The following CDK14 variants were observed in gnomAD, a reference collection of about 807,000 sequenced individuals.
CDK14 encodes the protein cyclin-dependent kinase 14.
In CDK14, 34 loss-of-function variants were observed where a neutral mutation model predicts 60.7. The ratio of observed to expected loss-of-function variants is 0.56; its 90% CI spans 0.43 to 0.75. The LOEUF (loss-of-function observed/expected upper bound fraction) is 0.75, where lower values mean the gene tolerates loss of function less well. Among genes scored for constraint, CDK14 ranks in the 30% least tolerant of loss-of-function variants. The probability of loss-of-function intolerance (pLI) is 0.00; values close to 1 mark genes in which losing one functional copy is unlikely to be tolerated. For missense variants in CDK14, 482 were observed against 564.1 expected, an observed-to-expected ratio of 0.85 and a Z score of 1.47; for synonymous variants, 197 against 203.7, an observed-to-expected ratio of 0.97 and a Z score of 0.28.
chr7:91,004,290 G>T (rs373183823), intron 10 of CDK14, among the ~76,000 whole-genome samples: 4 of 152,190 alleles, frequency 2.6e-5, no homozygotes, highest in African/African-American at 7.2e-5. Flanking sequence ...AGAAAGAAGA[G>T]ATGTCACTTT....
chr7:91,006,729 A>G (rs1047714777), intron 10 of CDK14, among the ~76,000 whole-genome samples: 6 of 152,244 alleles, frequency 3.9e-5, no homozygotes, highest in Non-Finnish European at 5.9e-5. Flanking sequence ...TGCCCATGCA[A>G]TCATTCACAT....
chr7:91,077,898 T>C (rs1336966769), intron 11 of CDK14, among the ~76,000 whole-genome samples: 1 of 151,774 alleles, frequency 6.6e-6, no homozygotes, highest in Admixed American at 6.6e-5. Context: ...CTATGAAAAG[T>C]GAAATTTGAA....
intron 14 of CDK14, among the ~76,000 whole-genome samples, chr7:91,145,329 G>T (rs985465504): frequency 2.0e-5 from 3 of 152,192 alleles, no homozygotes; most frequent in African/African-American, 7.2e-5. Context: ...AGCCAGGGCT[G>T]CATGCCAACA....
chr7:91,017,256 T>G (rs1478199551), intron 10 of CDK14, among the ~76,000 whole-genome samples: 1 of 152,142 alleles, frequency 6.6e-6, no homozygotes, highest in African/African-American at 2.4e-5. Context: ...AAGTACAAAC[T>G]AGGTCTAAGT....
At chr7:91,030,073 C>T (rs1267915823) in intron 10 of CDK14, among the ~76,000 whole-genome samples, 1 of 152,022 alleles carries the variant, frequency 6.6e-6, no homozygotes, top group Non-Finnish European at 1.5e-5. Context: ...CAAAAATAAG[C>T]TCTCAATAAC....
rs377485991 is a variant in CDK14 at position 90,647,877 on chromosome 7, A to G, written c.123+43628A>G. On this transcript the variant is annotated intron_variant, in intron 2 of 14. Transcript: ENST00000380050. ...TATTAAAAAAATAGATAAGAAATAA[A>G]TACATGACATTTATGAAGCTAGAAG... is the stretch of plus-strand genomic sequence containing the variant. 3.3e-5 allele frequency among the ~76,000 whole-genome samples: 5 copies of G among 152,294 alleles called. No individual in the cohort carries two copies. The East Asian group carries it at 9.6e-4, about 29-fold the overall frequency.
chr7:90,651,969 T>A (rs1055848464), intron 2 of CDK14, among the ~76,000 whole-genome samples: 29 of 152,316 alleles, frequency 1.9e-4, no homozygotes, highest in Middle Eastern at 3.4e-3. Flanking sequence ...TACCAGTTCC[T>A]GCTTGCCTGA....
intron 10 of CDK14, among the ~76,000 whole-genome samples, chr7:91,026,583 G>T (rs1796576306): frequency 6.6e-6 from 1 of 152,088 alleles, no homozygotes; most frequent in African/African-American, 2.4e-5. Flanking sequence ...CAACATATGT[G>T]TTTAAATTAA....
intron 5 of CDK14, among the ~76,000 whole-genome samples, chr7:90,851,053 G>A (rs1790632767): frequency 6.6e-6 from 1 of 152,024 alleles, no homozygotes; most frequent in South Asian, 2.1e-4. Flanking sequence ...AAAAAAACTA[G>A]GAATGGATGC....
chr7:90,749,226 C>T (rs1172231051), intron 4 of CDK14, among the ~76,000 whole-genome samples: 6 of 141,140 alleles, frequency 4.3e-5, no homozygotes, highest in East Asian at 4.4e-4. Context: ...TTGGAGCACC[C>T]GCTTGCCTCG....
chr7:90,898,046 A>G (rs1219850975), intron 6 of CDK14, among the ~76,000 whole-genome samples: 1 of 152,020 alleles, frequency 6.6e-6, no homozygotes, highest in Non-Finnish European at 1.5e-5. Flanking sequence ...CAGTTGGCTA[A>G]CTTCTTTCAT....
intron 4 of CDK14, among the ~76,000 whole-genome samples, chr7:90,768,841 G>C (rs1804671808): frequency 6.6e-6 from 1 of 152,128 alleles, no homozygotes; most frequent in Non-Finnish European, 1.5e-5. Flanking sequence ...TGAAAACAAA[G>C]ATAAAATGAA....
At chr7:90,779,932 A>G (rs1805236996) in intron 4 of CDK14, among the ~76,000 whole-genome samples, 2 of 152,250 alleles carry the variant, frequency 1.3e-5, no homozygotes, top group South Asian at 4.1e-4. Flanking sequence ...TCAATCTTTT[A>G]GTCCATGGGT....
chr7:90,685,368 T>C (rs1801410503), intron 2 of CDK14, among the ~76,000 whole-genome samples: 1 of 152,188 alleles, frequency 6.6e-6, no homozygotes, highest in Non-Finnish European at 1.5e-5. Flanking sequence ...TGAAGCATGA[T>C]AATGTGCTTA....
chr7:90,742,382 G>A (rs543671459), intron 3 of CDK14, among the ~76,000 whole-genome samples: 10 of 151,934 alleles, frequency 6.6e-5, no homozygotes, highest in South Asian at 6.2e-4. Flanking sequence ...TAGTGTTCCA[G>A]GTTAATTAAT....
chr7:90,847,034 T>C (rs1001408749), intron 5 of CDK14, among the ~76,000 whole-genome samples: 4 of 152,190 alleles, frequency 2.6e-5, no homozygotes, highest in African/African-American at 9.6e-5. Flanking sequence ...AGAATACTTA[T>C]TTATTTTGGT....
At chr7:90,774,591 A>AT (rs923679386) in intron 4 of CDK14, among the ~76,000 whole-genome samples, 41 of 152,356 alleles carry the variant, frequency 2.7e-4, no homozygotes, top group African/African-American at 9.4e-4. Flanking sequence ...CAAGTAATAC[A>AT]TTTTTATTGG....
At position 90,750,153 on chromosome 7, in the gene CDK14, A is replaced by AACACACAC. The variant is rs3138824; in HGVS notation, c.464+2419_464+2426dup. On this transcript the variant is annotated intron_variant, in intron 4 of 14. Transcript: ENST00000380050. ...GTGGGGAGAAGGGAAGGGGAAAGAA[A>AACACACAC]ACACACACACACACACACACACACA... Among the ~76,000 whole-genome samples the AACACACAC allele has an allele frequency of 2.2e-3, 295 of 131,392 alleles. 2 individuals are homozygous for AACACACAC. The highest frequency in any genetic ancestry group is 7.8e-3 in the African/African-American group (258 of 32,990). 86.2% of individuals were successfully genotyped at this position (131,392 alleles called of 152,430 possible). A position where few individuals can be genotyped will look rare whatever the true frequency, so the allele number is the denominator to read the frequency against.
intron 2 of CDK14, among the ~76,000 whole-genome samples, chr7:90,628,711 T>A (rs990540326): frequency 6.6e-6 from 1 of 152,124 alleles, no homozygotes; most frequent in African/African-American, 2.4e-5. Context: ...GTTGCGTGCC[T>A]GTAGTCCCAG....
Sources: gnomAD v4.1 joint callset for allele counts (sites outside exome capture counted in the v4.1 genomes callset) on GRCh38, gnomAD v4.1.1 for gene constraint, MANE v1.5 for transcripts, NCBI Gene and HGNC (gene_info 2026-07-23, HGNC 2026-07-21) for gene names.